The following NBAS variants were observed in gnomAD, a reference collection of about 807,000 sequenced individuals.
NBAS encodes NAG/BC035112 fusion.
NBAS carries 219 observed loss-of-function variants against 302.5 expected under a neutral mutation model. The ratio of observed to expected loss-of-function variants is 0.72; its 90% CI spans 0.65 to 0.81. The LOEUF (loss-of-function observed/expected upper bound fraction) is 0.81. Among genes scored for constraint, NBAS ranks in the 30% least tolerant of loss-of-function variants. The probability of loss-of-function intolerance (pLI) is 0.00; values close to 1 mark genes in which losing one functional copy is unlikely to be tolerated. For missense variants in NBAS, 2,932 were observed against 2,841.6 expected, an observed-to-expected ratio of 1.03 and a Z score of -0.72; for synonymous variants, 1,118 against 1,021.6, an observed-to-expected ratio of 1.09 and a Z score of -1.80.
the NBAS span, among the ~76,000 whole-genome samples, chr2:14,882,797 A>C: frequency 1.3e-5 from 2 of 152,182 alleles, no homozygotes; most frequent in Non-Finnish European, 2.9e-5. Context: ...GCCATTATCA[A>C]ATGCCATGTT....
chr2:15,017,648 C>A, the NBAS span, among the ~76,000 whole-genome samples: 2 of 151,858 alleles, frequency 1.3e-5, no homozygotes, highest in Non-Finnish European at 2.9e-5. Flanking sequence ...TGACTAATAT[C>A]AAAAAGACAT....
intron 50 of NBAS, chr2:15,179,788 TC>T (rs1558413902): frequency 2.6e-5 from 4 of 152,380 alleles, no homozygotes; most frequent in African/African-American, 9.6e-5. Flanking sequence ...TGAATTTTAT[TC>T]TCAGCCCTGT....
chr2:15,234,807 C>T, intron 45 of NBAS, 60 bp from the exon 46 acceptor site: 1 of 1,532,732 alleles, frequency 6.5e-7, no homozygotes, highest in Non-Finnish European at 9.0e-7. Context: ...TATCTACATG[C>T]ACAAAGTGAA....
chr2:15,423,699 C>A (rs1202025643), intron 23 of NBAS, among the ~76,000 whole-genome samples: 4 of 152,212 alleles, frequency 2.6e-5, no homozygotes, highest in African/African-American at 9.6e-5. Flanking sequence ...CTAGAACCAA[C>A]CCCATGGGAA....
chr2:15,406,093 C>A (rs1676393310), intron 25 of NBAS, among the ~76,000 whole-genome samples: 1 of 77,828 alleles, frequency 1.3e-5, no homozygotes, highest in Non-Finnish European at 3.1e-5. Context: ...AACAAATATA[C>A]AATAACATGT....
chr2:15,171,943 T>C (rs931276313), intron 51 of NBAS, among the ~76,000 whole-genome samples: 8 of 152,224 alleles, frequency 5.3e-5, no homozygotes, highest in Non-Finnish European at 1.2e-4. Flanking sequence ...TCCAAAACTG[T>C]AGGAAAATAA....
At chr2:14,858,884 C>T in the NBAS span, among the ~76,000 whole-genome samples, 1 of 151,904 alleles carries the variant, frequency 6.6e-6, no homozygotes, top group South Asian at 2.1e-4. Context: ...TCATTTACCC[C>T]GATGTGATTA....
chr2:15,512,279 A>C (rs1169123984), intron 9 of NBAS, among the ~76,000 whole-genome samples: 2 of 152,206 alleles, frequency 1.3e-5, no homozygotes, highest in Non-Finnish European at 2.9e-5. Context: ...TCAGTACCTC[A>C]TGACATAACA....
At chr2:15,424,649 G>A (rs527591922) in intron 22 of NBAS, among the ~76,000 whole-genome samples, 181 bp from the exon 23 acceptor site, 55 of 152,218 alleles carry the variant, frequency 3.6e-4, no homozygotes, top group African/African-American at 1.3e-3. Flanking sequence ...GACTTTTTTG[G>A]ATGCGTAATT....
At chr2:15,342,038 A>T (rs1323969294) in intron 35 of NBAS, among the ~76,000 whole-genome samples, 1 of 152,168 alleles carries the variant, frequency 6.6e-6, no homozygotes, top group Non-Finnish European at 1.5e-5. Flanking sequence ...GCTTCCAGTG[A>T]TGTGCTGGTA....
chr2:15,319,899 C>A (rs1671713613), intron 38 of NBAS, among the ~76,000 whole-genome samples: 1 of 152,040 alleles, frequency 6.6e-6, no homozygotes, highest in Non-Finnish European at 1.5e-5. Flanking sequence ...TTTTATGAGG[C>A]CAGCATCATC....
chr2:15,226,978 T>C (rs955072252), intron 47 of NBAS, among the ~76,000 whole-genome samples: 23 of 152,202 alleles, frequency 1.5e-4, no homozygotes, highest in African/African-American at 5.5e-4. Flanking sequence ...ATGGGCATCC[T>C]TGTCTTGTTC....
the NBAS span, among the ~76,000 whole-genome samples, chr2:14,912,639 CCTT>C: frequency 6.7e-5 from 10 of 148,206 alleles, no homozygotes; most frequent in Admixed American, 5.5e-4. Context: ...CACTGGGAAT[CCTT>C]CTTCTGTCAC....
At chr2:14,961,079 G>A in the NBAS span, among the ~76,000 whole-genome samples, 2 of 152,040 alleles carry the variant, frequency 1.3e-5, no homozygotes, top group Non-Finnish European at 2.9e-5. Flanking sequence ...TTCCTCTTAG[G>A]GACAGTTTTC....
At chr2:15,560,115 C>T in intron 1 of NBAS, among the ~76,000 whole-genome samples, 1 of 152,118 alleles carries the variant, frequency 6.6e-6, no homozygotes, top group East Asian at 1.9e-4. Flanking sequence ...TGTAAGATAA[C>T]TCACATGGGC....
the NBAS span, among the ~76,000 whole-genome samples, chr2:14,917,139 T>C: frequency 6.6e-6 from 1 of 152,204 alleles, no homozygotes; most frequent in Non-Finnish European, 1.5e-5. Flanking sequence ...ACACACACAT[T>C]TGTTGTCTCA....
the NBAS span, among the ~76,000 whole-genome samples, chr2:15,037,561 A>G: frequency 6.6e-6 from 1 of 152,280 alleles, no homozygotes; most frequent in Non-Finnish European, 1.5e-5. Context: ...TAGAAAAAGA[A>G]TACAAAATAA....
chr2:14,968,124 A>G, the NBAS span, among the ~76,000 whole-genome samples: 1 of 152,204 alleles, frequency 6.6e-6, no homozygotes, highest in Non-Finnish European at 1.5e-5. Flanking sequence ...GTGAGCAACA[A>G]AGCTAAGCTT....
the NBAS span, among the ~76,000 whole-genome samples, chr2:15,103,030 A>AGG: frequency 7.0e-5 from 7 of 100,536 alleles, no homozygotes; most frequent in South Asian, 8.5e-4. Context: ...GAAGGAAGGA[A>AGG]AGAGGGTCGG....
Sources: gnomAD v4.1 joint callset for allele counts (sites outside exome capture counted in the v4.1 genomes callset) on GRCh38, gnomAD v4.1.1 for gene constraint, MANE v1.5 for transcripts, NCBI Gene and HGNC (gene_info 2026-07-23, HGNC 2026-07-21) for gene names.